The following KCNMB4 variants were observed in gnomAD, a reference collection of about 807,000 sequenced individuals.
KCNMB4 encodes potassium calcium-activated channel subfamily M regulatory beta subunit 4.
KCNMB4 carries 3 observed loss-of-function variants against 20.7 expected under a neutral mutation model. The observed-to-expected ratio is 0.14, with a 90% confidence interval of 0.07 to 0.37. The LOEUF (loss-of-function observed/expected upper bound fraction) is 0.37, where lower values mean the gene tolerates loss of function less well. Ranked by LOEUF, KCNMB4 falls within the 10% of genes least tolerant of loss-of-function variation. KCNMB4 has a pLI of 1.00. For synonymous variants in KCNMB4, 110 were observed against 113.4 expected, an observed-to-expected ratio of 0.97 and a Z score of 0.19; for missense variants, 168 against 265.9, an observed-to-expected ratio of 0.63 and a Z score of 2.56.
At chr12:70,428,666 A>G (rs766003262) in intron 2 of KCNMB4, among the ~76,000 whole-genome samples, 1 of 152,182 alleles carries the variant, frequency 6.6e-6, no homozygotes, top group Non-Finnish European at 1.5e-5. Context: ...GAAAATTTGC[A>G]TGGATAATAA....
intron 2 of KCNMB4, among the ~76,000 whole-genome samples, chr12:70,408,587 G>A (rs1048037835): frequency 6.6e-6 from 1 of 152,034 alleles, no homozygotes; most frequent in Non-Finnish European, 1.5e-5. Context: ...AGCTGTGCCT[G>A]CCGTGGGCAG....
intron 2 of KCNMB4, among the ~76,000 whole-genome samples, chr12:70,403,415 C>A (rs139889862): frequency 0.12 from 17,558 of 152,130 alleles, 1,296 homozygotes; most frequent in Middle Eastern, 0.23. Context: ...TCACTGCAAC[C>A]TCTGCCTCTC....
intron 1 of KCNMB4, among the ~76,000 whole-genome samples, chr12:70,395,881 A>G (rs1868346589): frequency 6.6e-6 from 1 of 152,238 alleles, no homozygotes; most frequent in Non-Finnish European, 1.5e-5. Flanking sequence ...GAACTATATG[A>G]AGAAATTTCT....
intron 1 of KCNMB4, among the ~76,000 whole-genome samples, chr12:70,373,433 G>A (rs1454850858): frequency 1.3e-5 from 2 of 152,168 alleles, no homozygotes; most frequent in East Asian, 1.9e-4. Flanking sequence ...AGGGCCATGC[G>A]CCAAAAAAAG....
rs189681190 is a variant in KCNMB4, at chr12:70,430,834, G to A, written c.*181G>A. ...TGGAAGACTTGGAACCTCAAAGCTTGTATTCCATCTGCTGTAGCAATGGCT... is the reference window on the plus strand; with the variant it reads ...TGGAAGACTTGGAACCTCAAAGCTTATATTCCATCTGCTGTAGCAATGGCT... On this transcript the variant is annotated 3_prime_UTR_variant, in exon 3 of 3. Coordinates refer to ENST00000258111, the MANE Select transcript of KCNMB4 (RefSeq NM_014505.6). 2 of 551,650 alleles carry A rather than the reference G, an allele frequency of 3.6e-6. No individual in the cohort carries two copies. Among genetic ancestry groups the A allele is most frequent in the East Asian group, 6.6e-5 (2 of 30,388 alleles). 34.2% of individuals were successfully genotyped at this position (551,650 alleles called of 1,614,324 possible).
At chr12:70,370,344 G>A (rs1056262313) in intron 1 of KCNMB4, among the ~76,000 whole-genome samples, 1 of 147,068 alleles carries the variant, frequency 6.8e-6, no homozygotes, top group African/African-American at 2.5e-5. Context: ...GTCTCGCTCT[G>A]TCGCCCAGGC....
chr12:70,433,280 T>C lies in KCNMB4; in HGVS notation c.*2627T>C, dbSNP rs1869415417. On this transcript the variant is annotated 3_prime_UTR_variant, in exon 3 of 3. Transcript: ENST00000258111. ...CAAAGAGACCCCAAAATATGATGGC[T>C]CATGTAAGATAATTTATTTTTTTCT... 6.6e-6 allele frequency: 1 copy of C among 152,190 alleles called. No homozygotes were observed. The highest frequency in any genetic ancestry group is 2.4e-5 in the African/African-American group (1 of 41,452). The allele number at this position is 152,190 out of a possible 1,614,324, so 9.4% of individuals were successfully genotyped here.
chr12:70,392,698 T>G (rs1868310347), intron 1 of KCNMB4, among the ~76,000 whole-genome samples: 1 of 152,172 alleles, frequency 6.6e-6, no homozygotes, highest in Non-Finnish European at 1.5e-5. Context: ...TGGATGAAGC[T>G]GGAAACCATC....
Position 70,366,709 on chromosome 12 carries a change from A to T in KCNMB4, c.-26A>T. ...GGGGGCGGGAGGGGGCGGGGGGAGC[A>T]CGCCAGCCGCCGAGAGTGGGGGGCG... is the stretch of plus-strand genomic sequence containing the variant. On this transcript the variant is annotated 5_prime_UTR_variant, in exon 1 of 3. Coordinates refer to ENST00000258111, the MANE Select transcript of KCNMB4 (RefSeq NM_014505.6). 6.7e-7 allele frequency: 1 copy of T among 1,487,632 alleles called. No individual in the cohort carries two copies. The highest frequency in any genetic ancestry group is 1.4e-5 in the African/African-American group (1 of 71,204). 92.2% of individuals were successfully genotyped at this position (1,487,632 alleles called of 1,614,324 possible).
chr12:70,402,838 G>T (rs1270888583), intron 2 of KCNMB4, among the ~76,000 whole-genome samples: 1 of 152,144 alleles, frequency 6.6e-6, no homozygotes. Context: ...TTCAGTTCCA[G>T]ATGTCCCAGC....
At chr12:70,389,093 C>T (rs1319136600) in intron 1 of KCNMB4, among the ~76,000 whole-genome samples, 1 of 152,002 alleles carries the variant, frequency 6.6e-6, no homozygotes, top group Non-Finnish European at 1.5e-5. Flanking sequence ...ACCACACCAT[C>T]CTACCCCATT....
intron 1 of KCNMB4, among the ~76,000 whole-genome samples, chr12:70,370,350 C>G (rs1327336121): frequency 6.6e-6 from 1 of 151,470 alleles, no homozygotes; most frequent in African/African-American, 2.4e-5. Flanking sequence ...CTCTGTCGCC[C>G]AGGCTGGAGT....
chr12:70,373,670 G>A (rs1355384715), intron 1 of KCNMB4, among the ~76,000 whole-genome samples: 1 of 152,198 alleles, frequency 6.6e-6, no homozygotes, highest in Admixed American at 6.5e-5. Flanking sequence ...CGGTTTTTGA[G>A]TAGGTGACTT....
chr12:70,369,538 G>A (rs1036391248), intron 1 of KCNMB4, among the ~76,000 whole-genome samples: 3 of 152,046 alleles, frequency 2.0e-5, no homozygotes, highest in African/African-American at 4.8e-5. Flanking sequence ...AATCCCAGCC[G>A]CCTCCAGGCT....
At chr12:70,382,791 T>G (rs139746312) in intron 1 of KCNMB4, among the ~76,000 whole-genome samples, 4 of 152,308 alleles carry the variant, frequency 2.6e-5, no homozygotes, top group African/African-American at 9.6e-5. Context: ...GGCAGTTCAG[T>G]AAAGAATTAC....
intron 2 of KCNMB4, among the ~76,000 whole-genome samples, chr12:70,428,839 G>A (rs757414064): frequency 2.0e-5 from 3 of 152,090 alleles, no homozygotes; most frequent in Admixed American, 6.5e-5. Flanking sequence ...AGATAATTTC[G>A]TGCTATAAGA....
chr12:70,419,714 T>C (rs1239363169), intron 2 of KCNMB4, among the ~76,000 whole-genome samples: 1 of 152,182 alleles, frequency 6.6e-6, no homozygotes, highest in Non-Finnish European at 1.5e-5. Flanking sequence ...CAAGAATCTT[T>C]GGGCACATTT....
intron 2 of KCNMB4, among the ~76,000 whole-genome samples, chr12:70,414,804 C>T (rs754453968): frequency 1.7e-4 from 26 of 152,142 alleles, no homozygotes; most frequent in Non-Finnish European, 2.5e-4. Context: ...CATTTAAATA[C>T]GCAAGAATTT....
chr12:70,407,156 C>G (rs1352001972), intron 2 of KCNMB4, among the ~76,000 whole-genome samples: 1 of 152,142 alleles, frequency 6.6e-6, no homozygotes, highest in Non-Finnish European at 1.5e-5. Flanking sequence ...ATCCTCCCTC[C>G]TTGCATTCAA....
Sources: allele counts gnomAD v4.1 joint callset (sites outside exome capture counted in the v4.1 genomes callset), GRCh38; gene constraint gnomAD v4.1.1; transcripts MANE v1.5; gene names NCBI Gene and HGNC (gene_info 2026-07-23, HGNC 2026-07-21).